Variants in WDFY4 observed in about 807,000 individuals in gnomAD.
WDFY4 encodes WDFY family member 4, also known as WD repeat- and FYVE domain-containing protein 4.
WDFY4 carries 169 observed loss-of-function variants against 351.9 expected under a neutral mutation model. The observed-to-expected ratio is 0.48, with a 90% CI of 0.42 to 0.55. The LOEUF (loss-of-function observed/expected upper bound fraction) is 0.55. WDFY4 is among the 20% of genes least tolerant of loss of function. The probability of loss-of-function intolerance (pLI) is 0.00; values close to 1 mark genes in which losing one functional copy is unlikely to be tolerated. For synonymous variants in WDFY4, 1,622 were observed against 1,574.6 expected, an observed-to-expected ratio of 1.03 and a Z score of -0.71; for missense variants, 3,803 against 3,935.6, an observed-to-expected ratio of 0.97 and a Z score of 0.90.
At chr10:48,753,554 C>G (rs1183195585) in intron 12 of WDFY4, among the ~76,000 whole-genome samples, 1 of 152,148 alleles carries the variant, frequency 6.6e-6, no homozygotes, top group Non-Finnish European at 1.5e-5. Context: ...GGCAAGGGGT[C>G]AGGGTTCAAC....
At chr10:48,891,891 C>T (rs11101552) in intron 44 of WDFY4, among the ~76,000 whole-genome samples, 1,967 of 152,300 alleles carry the variant, frequency 0.013, 35 homozygotes, top group African/African-American at 0.045. Flanking sequence ...TGAAGGAGTG[C>T]GGAAGAGTAG....
intron 39 of WDFY4, among the ~76,000 whole-genome samples, chr10:48,837,639 C>T (rs764239302): frequency 2.0e-5 from 3 of 152,138 alleles, no homozygotes; most frequent in Non-Finnish European, 4.4e-5. Flanking sequence ...TGAGAAGAGA[C>T]AGCACCTGGG....
At chr10:48,908,599 C>A (rs1240064362) in intron 47 of WDFY4, among the ~76,000 whole-genome samples, 2 of 150,328 alleles carry the variant, frequency 1.3e-5, no homozygotes, top group Non-Finnish European at 3.0e-5. Flanking sequence ...GTATAAGGAT[C>A]TATTGATTGT....
chr10:48,812,476 C>T (rs1354243371), intron 30 of WDFY4, among the ~76,000 whole-genome samples: 2 of 152,102 alleles, frequency 1.3e-5, no homozygotes, highest in Non-Finnish European at 2.9e-5. Context: ...AGGCGTGACC[C>T]ACCGCACCCG....
At chr10:48,900,456 C>A in intron 46 of WDFY4, 150 bp downstream of exon 46, 1 of 667,506 alleles carries the variant, frequency 1.5e-6, no homozygotes, top group Non-Finnish European at 2.5e-6. Context: ...TGCTGGCCTG[C>A]AGAACTGCCA....
rs1046596456 is a variant in WDFY4 at position 48,820,992 on chromosome 10, G to A, written c.5710-70G>A. 2.9e-5 allele frequency: 32 copies of A among 1,089,810 alleles called. No homozygotes were observed. In the African/African-American group the frequency reaches 4.0e-4, roughly 14 times the overall value. The allele number at this position is 1,089,810 out of a possible 1,614,324, so 67.5% of individuals were successfully genotyped here. On this transcript the variant is annotated intron_variant, in intron 33 of 61. Coordinates refer to ENST00000325239, the MANE Select transcript of WDFY4 (RefSeq NM_001394531.1). The stretch of plus-strand genomic sequence containing the variant: ...GGCATAAGTGTCCCAGCCAGGCTAG[G>A]GAGGCGGTGGGCACTGGGTGCACAC...
chr10:48,715,581 T>C (rs1184717547), intron 2 of WDFY4, among the ~76,000 whole-genome samples: 1 of 152,018 alleles, frequency 6.6e-6, no homozygotes, highest in Non-Finnish European at 1.5e-5. Context: ...TGAAGAAAGA[T>C]AAACACCATT....
At chr10:48,730,044 G>A (rs565784759) in intron 8 of WDFY4, among the ~76,000 whole-genome samples, 6 of 152,322 alleles carry the variant, frequency 3.9e-5, no homozygotes, top group East Asian at 1.9e-4. Flanking sequence ...AAATTCCTCT[G>A]TAGAGACTGT....
chr10:48,855,328 TC>T lies in WDFY4; in HGVS notation c.6664-11932del, dbSNP rs1321824725. On this transcript the variant is annotated intron_variant, in intron 39 of 61. Coordinates refer to ENST00000325239, the MANE Select transcript of WDFY4 (RefSeq NM_001394531.1). ...CTCCTTCCAGTCTCTATCACCTTCTTCCCCCAAAGTAGTCCCTCTTTTAGTA... is the reference window on the plus strand; with the variant it reads ...CTCCTTCCAGTCTCTATCACCTTCTTCCCCAAAGTAGTCCCTCTTTTAGTA... Among the ~76,000 whole-genome samples the T allele has an allele frequency of 3.9e-5, 6 of 152,100 alleles. No homozygotes were observed. In the South Asian group the frequency reaches 1.0e-3, roughly 26 times the overall value.
At position 48,790,277 on chromosome 10, in the gene WDFY4, C is replaced by T. The variant is rs141591779; in HGVS notation, c.4066+292C>T. 2.1e-3 allele frequency among the ~76,000 whole-genome samples: 314 copies of T among 152,308 alleles called. 1 individual carries two copies. Among genetic ancestry groups the T allele is most frequent in the African/African-American group, 7.3e-3 (303 of 41,568 alleles). Reference sequence around the variant, plus strand: ...TAGTGAGTACAGTGGGGCTTTTAAGCAGAAGCACTGGTTGTAGTTGTTTGA... The same window carrying T: ...TAGTGAGTACAGTGGGGCTTTTAAGTAGAAGCACTGGTTGTAGTTGTTTGA... On this transcript the variant is annotated intron_variant, in intron 22 of 61. Coordinates refer to ENST00000325239, the MANE Select transcript of WDFY4 (RefSeq NM_001394531.1).
At position 48,897,320 on chromosome 10, in the gene WDFY4, G is replaced by A. The variant is rs181618753; in HGVS notation, c.7317-134G>A. The A allele has an allele frequency of 5.5e-6, 7 of 1,284,214 alleles. No homozygotes were observed. The East Asian group carries it at 1.8e-4, about 33-fold the overall frequency. 79.6% of individuals were successfully genotyped at this position (1,284,214 alleles called of 1,614,324 possible). A position where few individuals can be genotyped will look rare whatever the true frequency, so the allele number is the denominator to read the frequency against. ...AGTAGGGCTAGCACACTGGTTGGCA[G>A]TGACCACCGCACTTCTCTGATGTGT... On this transcript the variant is annotated intron_variant, in intron 44 of 61. Coordinates refer to ENST00000325239, the MANE Select transcript of WDFY4 (RefSeq NM_001394531.1).
At chr10:48,930,904 A>G (rs965489836) in intron 47 of WDFY4, among the ~76,000 whole-genome samples, 11 of 152,180 alleles carry the variant, frequency 7.2e-5, no homozygotes, top group Non-Finnish European at 1.0e-4. Flanking sequence ...ATGCACCCCC[A>G]TACCCAGAAA....
chr10:48,799,158 G>A (rs781757239), intron 24 of WDFY4, among the ~76,000 whole-genome samples: 7 of 152,094 alleles, frequency 4.6e-5, no homozygotes, highest in Non-Finnish European at 8.8e-5. Context: ...AATGGCCATG[G>A]ACACCACCCT....
intron 41 of WDFY4, among the ~76,000 whole-genome samples, 166 bp from the exon 42 acceptor site, chr10:48,874,923 T>C (rs1427837444): frequency 6.6e-6 from 1 of 152,240 alleles, no homozygotes; most frequent in Non-Finnish European, 1.5e-5. Context: ...TGCATTTTAT[T>C]GTGGTCCTTT....
chr10:48,951,344 T>A (rs576987680), intron 51 of WDFY4, among the ~76,000 whole-genome samples: 15 of 152,282 alleles, frequency 9.9e-5, no homozygotes, highest in Non-Finnish European at 1.6e-4. Flanking sequence ...TTCTTGGAGG[T>A]GTGAACTCGT....
At position 48,787,935 on chromosome 10, in the gene WDFY4, T is replaced by TCTTCTTCTTCTTCTC. The variant is rs1565198987; in HGVS notation, c.3809-581_3809-580insCCTTCTTCTTCTTCT. Among the ~76,000 whole-genome samples the TCTTCTTCTTCTTCTC allele has an allele frequency of 4.1e-5, 4 of 96,466 alleles. No homozygotes were observed. The East Asian group carries it at 1.2e-3, about 28-fold the overall frequency. 63.3% of individuals were successfully genotyped at this position (96,466 alleles called of 152,430 possible). ...TTCTTCTTCTTCTTCTTCTTCTTCT[T>TCTTCTTCTTCTTCTC]CTTCTTCTTCTTCTTCTTCTTCTTC... On this transcript the variant is annotated intron_variant, in intron 20 of 61. Coordinates refer to ENST00000325239, the MANE Select transcript of WDFY4 (RefSeq NM_001394531.1).
At chr10:48,952,123 G>C (rs1310606570) in intron 51 of WDFY4, among the ~76,000 whole-genome samples, 3 of 152,166 alleles carry the variant, frequency 2.0e-5, no homozygotes, top group Non-Finnish European at 4.4e-5. Context: ...CTCCTGGAGG[G>C]GTCAGTGCCA....
At chr10:48,913,249 A>G in intron 47 of WDFY4, 4 of 763,496 alleles carry the variant, frequency 5.2e-6, no homozygotes, top group Non-Finnish European at 8.6e-6. Flanking sequence ...CACGCCGAGA[A>G]AGTAAGGAAA....
At chr10:48,905,049 A>T (rs892195589) in intron 47 of WDFY4, among the ~76,000 whole-genome samples, 5 of 152,124 alleles carry the variant, frequency 3.3e-5, no homozygotes, top group Non-Finnish European at 7.4e-5. Context: ...GACACACATC[A>T]CTTCACTGGG....
Sources: gnomAD v4.1 joint callset for allele counts (sites outside exome capture counted in the v4.1 genomes callset) on GRCh38, gnomAD v4.1.1 for gene constraint, MANE v1.5 for transcripts, NCBI Gene and HGNC (gene_info 2026-07-23, HGNC 2026-07-21) for gene names.